MTG1: variants seen among roughly 807,000 people sequenced by gnomAD.
MTG1 encodes the protein mitochondrial ribosome associated GTPase 1, also known as mitochondrial ribosome-associated GTPase 1.
Under a neutral mutation model 39.5 loss-of-function variants are expected in MTG1, and 30 were observed. The ratio of observed to expected loss-of-function variants is 0.76; its 90% CI spans 0.57 to 1.03. The LOEUF is 1.03. Ranked by LOEUF, MTG1 falls within the 50% of genes least tolerant of loss-of-function variation. The pLI is 0.00. For synonymous variants in MTG1, 217 were observed against 179.0 expected (o/e 1.21, Z -1.69); for missense variants, 513 against 447.4 (o/e 1.15, Z -1.32).
rs751931263 is a variant in MTG1 at position 133,402,175 on chromosome 10, G to T, written c.600G>T (p.Leu200=). Residue 200 remains leucine, a synonymous_variant, in exon 8 of 11, where the codon CTG becomes CTT. Transcript: ENST00000317502. The surrounding 1 kb of genome is among the most constrained non-coding windows in gnomAD (Gnocchi z 4.7). ...IQVSERPLMF[L]LDTPGVLAPR... is the part of the protein sequence containing the mutation. The stretch of plus-strand genomic sequence containing the variant: ...TCTCTGAGCGGCCCCTGATGTTCCT[G>T]TTGGACACTCCTGGCGTGCTGGCTC... The T allele has an allele frequency of 6.2e-7, 1 of 1,613,886 alleles. No individual in the cohort carries two copies. The highest frequency in any genetic ancestry group is 2.2e-5 in the East Asian group (1 of 44,862).
At chr10:133,396,529 G>A (rs954732364) in intron 3 of MTG1, among the ~76,000 whole-genome samples, 4 of 152,210 alleles carry the variant, frequency 2.6e-5, no homozygotes, top group East Asian at 1.9e-4. Context: ...GCCAGAGCCC[G>A]AGTGGTCAGT....
chr10:133,398,607 G>A (rs745774182), intron 4 of MTG1, 92 bp downstream of exon 4: 33 of 1,416,378 alleles, frequency 2.3e-5, no homozygotes, highest in Non-Finnish European at 3.2e-5. Flanking sequence ...AAGAAGCAGA[G>A]CTTTGGAAAA....
chr10:133,400,749 A>G (rs919607575), intron 6 of MTG1, among the ~76,000 whole-genome samples: 7 of 152,208 alleles, frequency 4.6e-5, no homozygotes, highest in African/African-American at 1.7e-4. Context: ...TGTAAATACA[A>G]AGAGTCACTC....
rs1589912282 is a variant in MTG1, at chr10:133,402,888, C to T, written c.752+115C>T. ...ATAAAGGTATTATAAACACGGTAACCTGCACATCGTTTAAAGCGTCCAGTT... is the reference window on the plus strand; with the variant it reads ...ATAAAGGTATTATAAACACGGTAACTTGCACATCGTTTAAAGCGTCCAGTT... On this transcript the variant is annotated intron_variant, in intron 9 of 10. Transcript: ENST00000317502. This position sits in a 1 kb window ranked among gnomAD's most constrained non-coding sequence, Gnocchi z 4.7. The T allele has an allele frequency of 6.5e-6, 5 of 772,080 alleles. No homozygotes were observed. The South Asian group carries it at 7.5e-5, about 12-fold the overall frequency. 47.8% of individuals were successfully genotyped at this position (772,080 alleles called of 1,614,324 possible). A position where few individuals can be genotyped will look rare whatever the true frequency, so the allele number is the denominator to read the frequency against.
intron 4 of MTG1, 82 bp from the exon 5 acceptor site, chr10:133,399,088 C>A: frequency 6.8e-7 from 1 of 1,460,628 alleles, no homozygotes. Context: ...AATCCCTAAT[C>A]CTGTTCTGAG....
Position 133,402,621 on chromosome 10 carries a change from G to T in MTG1, c.671-71G>T. On this transcript the variant is annotated intron_variant, in intron 8 of 10. Transcript: ENST00000317502. This position sits in a 1 kb window ranked among gnomAD's most constrained non-coding sequence, Gnocchi z 4.7. ...GTGTCTTTGGGCTAGGACTGGAAGG[G>T]ATGTGTTTGAACTTGGCAGGAACAT... The T allele has an allele frequency of 7.4e-7, 1 of 1,353,772 alleles. No homozygotes were observed. Among genetic ancestry groups the T allele is most frequent in the Non-Finnish European group, 1.0e-6 (1 of 971,810 alleles). 83.9% of individuals were successfully genotyped at this position (1,353,772 alleles called of 1,614,324 possible). A position where few individuals can be genotyped will look rare whatever the true frequency, so the allele number is the denominator to read the frequency against.
Position 133,394,205 on chromosome 10 carries a change from C to A in MTG1, c.-16C>A, listed in dbSNP as rs1049694800. On this transcript the variant is annotated 5_prime_UTR_variant, in exon 1 of 11. Transcript: ENST00000317502. ...AGGAGGTCAGCTGCGGGAGCGTTTC[C>A]GGGGACGGTGCCGCCATGAGATTGA... 2 of 1,508,870 alleles carry A rather than the reference C, an allele frequency of 1.3e-6. No homozygotes were observed. The highest frequency in any genetic ancestry group is 2.7e-5 in the East Asian group (1 of 36,738). The allele number at this position is 1,508,870 out of a possible 1,614,324, so 93.5% of individuals were successfully genotyped here.
chr10:133,415,983 C>CGGGCAGGCGGGCGTCG (rs541432761), intron 9 of MTG1, among the ~76,000 whole-genome samples: 23 of 102,678 alleles, frequency 2.2e-4, no homozygotes, highest in Admixed American at 4.5e-4. Flanking sequence ...AGGCGGGTGT[C>CGGGCAGGCGGGCGTCG]GGCACGCGGG....
intron 9 of MTG1, among the ~76,000 whole-genome samples, chr10:133,415,733 C>T (rs148700377): frequency 1.3e-5 from 2 of 152,212 alleles, no homozygotes; most frequent in Admixed American, 6.5e-5. Context: ...ATTTTTGGAT[C>T]TGGGTCTTTG....
chr10:133,416,693 G>A (rs1201180465), intron 9 of MTG1, among the ~76,000 whole-genome samples: 1 of 146,524 alleles, frequency 6.8e-6, no homozygotes, highest in Non-Finnish European at 1.5e-5. Flanking sequence ...TGAGAATGAT[G>A]ATTTCCAATT....
chr10:133,408,212 C>T (rs902741979), intron 9 of MTG1, among the ~76,000 whole-genome samples: 1 of 152,188 alleles, frequency 6.6e-6, no homozygotes, highest in East Asian at 1.9e-4. Flanking sequence ...TCATGCGTGG[C>T]CTTTATTGTT....
intron 9 of MTG1, among the ~76,000 whole-genome samples, chr10:133,404,624 T>C (rs1849943177): frequency 6.6e-6 from 1 of 152,206 alleles, no homozygotes; most frequent in Admixed American, 6.5e-5. Context: ...AAGAAATCTT[T>C]GCTTAAACCA....
In MTG1 at chr10:133,402,568, C is replaced by T; in HGVS notation, c.671-124C>T. 1 of 892,504 alleles carries T rather than the reference C, an allele frequency of 1.1e-6. No individual in the cohort carries two copies. The allele number at this position is 892,504 out of a possible 1,614,324, so 55.3% of individuals were successfully genotyped here. ...CCGTCCTCTTGGTTAGTGTCTTTGT[C>T]AGTGGCTGGCCTCTTCCTCACGGCA... is the stretch of plus-strand genomic sequence containing the variant. On this transcript the variant is annotated intron_variant, in intron 8 of 10. Transcript: ENST00000317502. The surrounding 1 kb of genome is among the most constrained non-coding windows in gnomAD (Gnocchi z 4.7).
chr10:133,394,188 A>G lies in MTG1; in HGVS notation c.-33A>G, dbSNP rs945195695. On this transcript the variant is annotated 5_prime_UTR_variant, in exon 1 of 11. Coordinates refer to ENST00000317502, the MANE Select transcript of MTG1 (RefSeq NM_138384.4). ...GGGTCGCAGCGGCGCAGAGGAGGTC[A>G]GCTGCGGGAGCGTTTCCGGGGACGG... The G allele has an allele frequency of 6.8e-7, 1 of 1,471,448 alleles. No homozygotes were observed. Among genetic ancestry groups the G allele is most frequent in the Admixed American group, 2.1e-5 (1 of 48,504 alleles). 91.1% of individuals were successfully genotyped at this position (1,471,448 alleles called of 1,614,324 possible).
intron 6 of MTG1, 61 bp from the exon 7 acceptor site, chr10:133,401,468 C>T: frequency 7.0e-7 from 1 of 1,433,206 alleles, no homozygotes; most frequent in Non-Finnish European, 9.5e-7. Flanking sequence ...CGTCTCCCTA[C>T]TTGTTCTGCA....
At chr10:133,394,604 C>T in intron 1 of MTG1, 6 of 1,299,142 alleles carry the variant, frequency 4.6e-6, no homozygotes, top group Non-Finnish European at 5.9e-6. Flanking sequence ...ACCTCTGGCC[C>T]GCCGCCCCTG....
At chr10:133,419,645 G>T in intron 10 of MTG1, 53 bp downstream of exon 10, 1 of 1,447,284 alleles carries the variant, frequency 6.9e-7, no homozygotes, top group Non-Finnish European at 9.5e-7. Context: ...CACCCTGGGG[G>T]ACCCCGGCCA....
chr10:133,398,846 C>CGGGTCTG (rs1460529342), intron 4 of MTG1, among the ~76,000 whole-genome samples: 1 of 152,112 alleles, frequency 6.6e-6, no homozygotes, highest in Non-Finnish European at 1.5e-5. Context: ...ACTGAAGCCC[C>CGGGTCTG]GGGTCTGCCC....
In MTG1 at chr10:133,419,467, A is replaced by T. The variant is rs1018598992; in HGVS notation, c.753-13A>T. On this transcript the variant is annotated splice_polypyrimidine_tract_variant and intron_variant, in intron 9 of 10. Transcript: ENST00000317502. The stretch of plus-strand genomic sequence containing the variant: ...GCTGGGCCCCCTGGTGCTGACCTGC[A>T]GCCTATGTGCAGGTACGTGCAGCAC... 1 of 1,579,888 alleles carries T rather than the reference A, an allele frequency of 6.3e-7. No homozygotes were observed. The highest frequency in any genetic ancestry group is 1.8e-5 in the Admixed American group (1 of 54,982).
Sources: gnomAD v4.1 joint callset for allele counts (sites outside exome capture counted in the v4.1 genomes callset) on GRCh38, gnomAD v4.1.1 for gene constraint, Gnocchi (gnomAD v3.1) non-coding constraint, MANE v1.5 for transcripts, NCBI Gene and HGNC (gene_info 2026-07-23, HGNC 2026-07-21) for gene names.